ESRRG: variants seen among roughly 807,000 people sequenced by gnomAD.
ESRRG encodes estrogen-related receptor gamma.
Under a neutral mutation model 44.0 loss-of-function variants are expected in ESRRG, and 13 were observed. That is an observed-to-expected ratio of 0.30 (90% CI 0.19 to 0.47). The LOEUF (loss-of-function observed/expected upper bound fraction) is 0.47. ESRRG is among the 20% of genes least tolerant of loss of function. The pLI, the probability that ESRRG is intolerant of heterozygous loss-of-function variation, is 1.00. For synonymous variants in ESRRG, 215 were observed against 214.6 expected (o/e 1.00, Z -0.02); for missense variants, 395 against 580.6 (o/e 0.68, Z 3.29).
In ESRRG at chr1:216,846,271, C is replaced by T. The variant is rs191574880; in HGVS notation, c.-14+93311G>A. On this transcript the variant is annotated intron_variant, in intron 2 of 7. Coordinates refer to the ESRRG transcript ENST00000359162. ...TTGATCACCATTTTGGACAGGAGAG[C>T]GTATTTCACTATAGGGATTTATTGC... Among the ~76,000 whole-genome samples, 337 of 152,150 alleles carry T rather than the reference C, an allele frequency of 2.2e-3. 2 individuals are homozygous for T. The highest frequency in any genetic ancestry group is 3.8e-3 in the Non-Finnish European group (260 of 67,996).
intron 1 of ESRRG, among the ~76,000 whole-genome samples, chr1:217,003,953 T>C (rs1277323360): frequency 6.6e-6 from 1 of 151,892 alleles, no homozygotes; most frequent in Admixed American, 6.6e-5. Context: ...TTTGGAAATA[T>C]GGTTTGATTC....
At chr1:216,934,321 C>G (rs1225250216) in intron 2 of ESRRG, among the ~76,000 whole-genome samples, 1 of 152,128 alleles carries the variant, frequency 6.6e-6, no homozygotes, top group Non-Finnish European at 1.5e-5. Context: ...ATAATACCAC[C>G]TACTTGGGAG....
At chr1:216,902,636 G>A (rs1056357947) in intron 2 of ESRRG, among the ~76,000 whole-genome samples, 2 of 152,156 alleles carry the variant, frequency 1.3e-5, no homozygotes, top group African/African-American at 4.8e-5. Context: ...GCATCTTTGA[G>A]AGTTCTGTAG....
intron 2 of ESRRG, among the ~76,000 whole-genome samples, chr1:216,729,451 G>A (rs1387499479): frequency 6.6e-6 from 1 of 152,116 alleles, no homozygotes; most frequent in Non-Finnish European, 1.5e-5. Flanking sequence ...TAATTCATTT[G>A]GCCTCCATCT....
chr1:216,793,876 A>G (rs552402586), intron 2 of ESRRG, among the ~76,000 whole-genome samples: 2 of 152,140 alleles, frequency 1.3e-5, no homozygotes, highest in East Asian at 3.9e-4. Context: ...CATTTTCTGA[A>G]TGAATGATCC....
chr1:217,117,328 T>C (rs2092743799), intron 1 of ESRRG, among the ~76,000 whole-genome samples: 1 of 152,198 alleles, frequency 6.6e-6, no homozygotes, highest in Admixed American at 6.5e-5. Flanking sequence ...GGTTCATACC[T>C]ATAAACCCAG....
chr1:216,614,009 C>T (rs1477851570), intron 3 of ESRRG, among the ~76,000 whole-genome samples: 1 of 152,212 alleles, frequency 6.6e-6, no homozygotes, highest in African/African-American at 2.4e-5. Context: ...GTCCAAGCTG[C>T]ACTAAATTGT....
intron 2 of ESRRG, among the ~76,000 whole-genome samples, chr1:216,831,506 G>C (rs954430641): frequency 6.7e-6 from 1 of 149,582 alleles, no homozygotes; most frequent in African/African-American, 2.5e-5. Flanking sequence ...AGGAGAAAAA[G>C]AGAGAGAGAG....
chr1:216,778,708 T>C (rs964557120), intron 2 of ESRRG, among the ~76,000 whole-genome samples: 2 of 151,900 alleles, frequency 1.3e-5, no homozygotes, highest in Admixed American at 6.6e-5. Flanking sequence ...CACTGCAAAA[T>C]TGTACTACTT....
chr1:216,604,239 G>A (rs2059635797), intron 3 of ESRRG, among the ~76,000 whole-genome samples: 1 of 152,166 alleles, frequency 6.6e-6, no homozygotes, highest in South Asian at 2.1e-4. Context: ...TACTGCCTCT[G>A]GAAATTGTGG....
intron 2 of ESRRG, among the ~76,000 whole-genome samples, chr1:216,809,055 G>A (rs1316519205): frequency 6.6e-6 from 1 of 152,122 alleles, no homozygotes; most frequent in East Asian, 1.9e-4. Flanking sequence ...CTTTCGTACA[G>A]GGTGCTACGC....
intron 3 of ESRRG, among the ~76,000 whole-genome samples, chr1:216,593,762 C>G (rs1344304783): frequency 5.3e-5 from 8 of 152,126 alleles, no homozygotes; most frequent in Admixed American, 2.0e-4. Context: ...TTGGGGGGAA[C>G]AGTTTCTCCC....
intron 3 of ESRRG, among the ~76,000 whole-genome samples, chr1:216,606,716 A>G (rs1226819001): frequency 6.6e-6 from 1 of 152,186 alleles, no homozygotes; most frequent in East Asian, 1.9e-4. Context: ...GCAATGGTGT[A>G]TTTAGCTCAT....
chr1:217,016,309 A>G (rs1427095291), intron 1 of ESRRG, among the ~76,000 whole-genome samples: 2 of 152,098 alleles, frequency 1.3e-5, no homozygotes. Flanking sequence ...ATAATGGAAC[A>G]GTTACTAAAT....
intron 1 of ESRRG, among the ~76,000 whole-genome samples, chr1:217,130,792 A>G (rs1027375585): frequency 6.6e-6 from 1 of 152,216 alleles, no homozygotes; most frequent in African/African-American, 2.4e-5. Flanking sequence ...GATGTATCTG[A>G]CAGAAAAAAT....
chr1:217,124,480 GA>G (rs2092863351), intron 1 of ESRRG, among the ~76,000 whole-genome samples: 1 of 152,146 alleles, frequency 6.6e-6, no homozygotes, highest in Admixed American at 6.5e-5. Flanking sequence ...TGATCCCTAA[GA>G]AAAACAAACA....
intron 1 of ESRRG, among the ~76,000 whole-genome samples, chr1:216,722,373 C>G (rs1227817990): frequency 6.6e-6 from 1 of 152,134 alleles, no homozygotes. Context: ...CTCATTTACA[C>G]AAAAATGCCT....
At chr1:216,544,022 T>C (rs907837322) in intron 5 of ESRRG, among the ~76,000 whole-genome samples, 1 of 152,024 alleles carries the variant, frequency 6.6e-6, no homozygotes, top group Non-Finnish European at 1.5e-5. Flanking sequence ...GAGATAACTG[T>C]GTGCACTTGG....
chr1:216,857,691 C>A (rs916704656), intron 2 of ESRRG, among the ~76,000 whole-genome samples: 23 of 148,950 alleles, frequency 1.5e-4, no homozygotes, highest in Non-Finnish European at 2.8e-4. Flanking sequence ...TAAGTCTAGT[C>A]CAGAAGCTAA....
Sources: gnomAD v4.1 joint callset for allele counts (sites outside exome capture counted in the v4.1 genomes callset) on GRCh38, gnomAD v4.1.1 for gene constraint, MANE v1.5 for transcripts, NCBI Gene and HGNC (gene_info 2026-07-23, HGNC 2026-07-21) for gene names.